RALYL: variants seen among roughly 807,000 people sequenced by gnomAD.
RALYL encodes RNA-binding Raly-like protein.
RALYL carries 29 observed loss-of-function variants against 35.1 expected under a neutral mutation model. The ratio of observed to expected loss-of-function variants is 0.83; its 90% confidence interval spans 0.61 to 1.13. The LOEUF is 1.13. RALYL is among the 50% of genes most tolerant of loss of function. The pLI is 0.00. For missense variants in RALYL, 359 were observed against 360.4 expected, an observed-to-expected ratio of 1.00 and a Z score of 0.03; for synonymous variants, 120 against 127.6, an observed-to-expected ratio of 0.94 and a Z score of 0.40.
At chr8:84,843,696 C>T (rs1338767347) in intron 4 of RALYL, among the ~76,000 whole-genome samples, 1 of 152,214 alleles carries the variant, frequency 6.6e-6, no homozygotes, top group African/African-American at 2.4e-5. Flanking sequence ...CTGGAGGCAT[C>T]ACACTACCTG....
At chr8:84,383,308 C>A (rs1254516643) in intron 1 of RALYL, among the ~76,000 whole-genome samples, 1 of 151,564 alleles carries the variant, frequency 6.6e-6, no homozygotes, top group African/African-American at 2.4e-5. Context: ...AAAAGAGGGT[C>A]TTTTATGGGG....
chr8:84,457,645 T>G, intron 1 of RALYL, among the ~76,000 whole-genome samples: 1 of 151,908 alleles, frequency 6.6e-6, no homozygotes, highest in East Asian at 1.9e-4. Flanking sequence ...CTCTAATATC[T>G]TACGCCTTGT....
At chr8:84,658,031 G>A (rs901508113) in intron 2 of RALYL, among the ~76,000 whole-genome samples, 1 of 152,104 alleles carries the variant, frequency 6.6e-6, no homozygotes, top group African/African-American at 2.4e-5. Flanking sequence ...AGGATGGGAG[G>A]TTGGACACCA....
chr8:84,571,614 G>A (rs1008450085), intron 2 of RALYL, among the ~76,000 whole-genome samples: 2 of 151,510 alleles, frequency 1.3e-5, no homozygotes, highest in Non-Finnish European at 3.0e-5. Context: ...GTCTCATTTA[G>A]TTCTCCTCTT....
chr8:84,639,381 T>C (rs28774376), intron 2 of RALYL, among the ~76,000 whole-genome samples: 13,845 of 151,896 alleles, frequency 0.091, 1,601 homozygotes, highest in African/African-American at 0.27. Context: ...ATTTTGTGTT[T>C]TGTTACAACA....
chr8:84,185,026 C>T lies in RALYL; in HGVS notation c.-24+602C>T, dbSNP rs371888578. On this transcript the variant is annotated intron_variant, in intron 1 of 8. Coordinates refer to ENST00000521268, the MANE Select transcript of RALYL (RefSeq NM_173848.7). ...GAGTAAACGACGCAGTAGGTCCTAC[C>T]CAGCCTATTTTGCTTTACCAAAGGG... The T allele has an allele frequency of 3.7e-6, 6 of 1,613,798 alleles. No homozygotes were observed. The African/African-American group carries it at 6.7e-5, about 18-fold the overall frequency.
intron 2 of RALYL, among the ~76,000 whole-genome samples, chr8:84,709,200 A>G (rs1055865328): frequency 6.6e-6 from 1 of 152,046 alleles, no homozygotes; most frequent in African/African-American, 2.4e-5. Flanking sequence ...TCTGTAGGGT[A>G]CCTTCCATCT....
chr8:84,674,634 A>G lies in RALYL; in HGVS notation c.257-99945A>G, dbSNP rs544473704. On this transcript the variant is annotated intron_variant, in intron 2 of 8. Transcript: ENST00000521268. ...TACACAGTACTTTAAAAGTACTTCA[A>G]AGGTAATTCTTTTTATCATTATCTC... Among the ~76,000 whole-genome samples, 7 of 152,304 alleles carry G rather than the reference A, an allele frequency of 4.6e-5. No individual in the cohort carries two copies. In the East Asian group the frequency reaches 1.2e-3, roughly 25 times the overall value.
intron 1 of RALYL, among the ~76,000 whole-genome samples, chr8:84,389,066 G>T (rs947478193): frequency 2.0e-5 from 3 of 152,148 alleles, no homozygotes; most frequent in Non-Finnish European, 4.4e-5. Flanking sequence ...TATGTGGCTA[G>T]CCAGTTTTCC....
At chr8:84,674,714 A>AT (rs1041217975) in intron 2 of RALYL, among the ~76,000 whole-genome samples, 5 of 152,090 alleles carry the variant, frequency 3.3e-5, no homozygotes, top group African/African-American at 9.7e-5. Flanking sequence ...TTCTTAGCAT[A>AT]TTTTTAGCAT....
At chr8:84,367,346 T>G (rs1287741603) in intron 1 of RALYL, among the ~76,000 whole-genome samples, 2 of 110,132 alleles carry the variant, frequency 1.8e-5, no homozygotes, top group African/African-American at 6.8e-5. Context: ...TTTTTTTTTT[T>G]TTTTTTTTTT....
chr8:84,617,384 C>A lies in RALYL; in HGVS notation c.256+87807C>A, dbSNP rs554007019. On this transcript the variant is annotated intron_variant, in intron 2 of 8. Transcript: ENST00000521268. ...GAATGGGAGTTCACTCATGATTTGG[C>A]TCTCTGTTTGTCTGTTGTTGGTGTA... Among the ~76,000 whole-genome samples, 19 of 149,412 alleles carry A rather than the reference C, an allele frequency of 1.3e-4. 1 individual carries two copies. The East Asian group carries it at 3.5e-3, about 27-fold the overall frequency.
rs990059406 is a variant in RALYL, at chr8:84,605,998, TGGGTCCATTCTGCGAGCCCCTG to T, written c.256+76424_256+76445del. On this transcript the variant is annotated intron_variant, in intron 2 of 8. Transcript: ENST00000521268. ...TTCCCTGTACAAACAGCCACACACT[TGGGTCCATTCTGCGAGCCCCTG>T]GGCCCCATCCTAACTCCTCCTCAGT... 1.3e-3 allele frequency among the ~76,000 whole-genome samples: 200 copies of T among 152,224 alleles called. 1 individual carries two copies. The highest frequency in any genetic ancestry group is 1.5e-4 in the Non-Finnish European group (10 of 68,004).
At chr8:84,777,509 T>C (rs188533628) in intron 3 of RALYL, among the ~76,000 whole-genome samples, 2 of 152,338 alleles carry the variant, frequency 1.3e-5, no homozygotes, top group African/African-American at 4.8e-5. Flanking sequence ...TGTATAATTT[T>C]CCTGAGAGGA....
intron 2 of RALYL, among the ~76,000 whole-genome samples, chr8:84,591,858 G>T (rs1468408766): frequency 6.6e-6 from 1 of 152,112 alleles, no homozygotes; most frequent in Non-Finnish European, 1.5e-5. Context: ...TTTACCTTTA[G>T]TTAAATAATC....
intron 8 of RALYL, among the ~76,000 whole-genome samples, chr8:84,919,544 A>T (rs557136535): frequency 3.9e-4 from 59 of 152,176 alleles, no homozygotes; most frequent in Middle Eastern, 3.4e-3. Context: ...CATGACAAAC[A>T]CATTTGAATA....
At chr8:84,191,308 G>A (rs973195005) in intron 1 of RALYL, among the ~76,000 whole-genome samples, 9 of 151,882 alleles carry the variant, frequency 5.9e-5, no homozygotes, top group Non-Finnish European at 1.0e-4. Context: ...TGCAAAAATA[G>A]CAGAGAATAT....
intron 1 of RALYL, among the ~76,000 whole-genome samples, chr8:84,410,585 C>G (rs527517892): frequency 6.6e-6 from 1 of 151,858 alleles, no homozygotes; most frequent in African/African-American, 2.4e-5. Context: ...GTTAAAATAT[C>G]AGGACATTAT....
intron 2 of RALYL, among the ~76,000 whole-genome samples, chr8:84,600,044 C>T (rs567701420): frequency 2.6e-5 from 4 of 151,462 alleles, no homozygotes; most frequent in South Asian, 2.1e-4. Flanking sequence ...CCAGACTGAT[C>T]GGTAATATCC....
Sources: gnomAD v4.1 joint callset for allele counts (sites outside exome capture counted in the v4.1 genomes callset) on GRCh38, gnomAD v4.1.1 for gene constraint, MANE v1.5 for transcripts, NCBI Gene and HGNC (gene_info 2026-07-23, HGNC 2026-07-21) for gene names.